ZFP64: variants seen among roughly 807,000 people sequenced by gnomAD.
ZFP64 encodes the protein zinc finger protein 64.
A neutral mutation model predicts 51.6 loss-of-function variants in ZFP64; 14 were observed. That is an observed-to-expected ratio of 0.27 (90% CI 0.18 to 0.42). The LOEUF is 0.42. ZFP64 is among the 10% of genes least tolerant of loss of function. The pLI is 1.00. For synonymous variants in ZFP64, 375 were observed against 361.4 expected, an observed-to-expected ratio of 1.04 and a Z score of -0.43; for missense variants, 754 against 906.8, an observed-to-expected ratio of 0.83 and a Z score of 2.16.
rs1163611508 is a variant in ZFP64 at position 52,085,338 on chromosome 20, C to T, written c.1229-72G>A. On this transcript the variant is annotated intron_variant, in intron 8 of 8. Transcript: ENST00000361387. The surrounding 1 kb of genome is among the most constrained non-coding windows in gnomAD (Gnocchi z 4.3). ...ACCCTCCCACCCCAACCTGCCTTAG[C>T]ACACTTGGCCGCCATGAGATGGTTG... 1.4e-5 allele frequency: 20 copies of T among 1,456,716 alleles called. No individual in the cohort carries two copies. The highest frequency in any genetic ancestry group is 1.7e-5 in the Non-Finnish European group (19 of 1,087,818). 90.2% of individuals were successfully genotyped at this position (1,456,716 alleles called of 1,614,324 possible).
intron 5 of ZFP64, among the ~76,000 whole-genome samples, chr20:52,099,841 C>T (rs934841370): frequency 1.2e-4 from 19 of 152,174 alleles, no homozygotes; most frequent in African/African-American, 4.6e-4. Context: ...GGTGAAATCG[C>T]TATTTTTGTT....
At chr20:52,121,123 C>T (rs1023154022) in intron 5 of ZFP64, among the ~76,000 whole-genome samples, 10 of 152,270 alleles carry the variant, frequency 6.6e-5, no homozygotes, top group African/African-American at 2.2e-4. Context: ...TCCTTTTCTT[C>T]GAGCCTTTCT....
chr20:52,137,648 A>G lies in ZFP64; in HGVS notation c.763+22475T>C, dbSNP rs1242602193. 2.6e-5 allele frequency among the ~76,000 whole-genome samples: 4 copies of G among 152,156 alleles called. No individual in the cohort carries two copies. In the East Asian group the frequency reaches 7.7e-4, roughly 29 times the overall value. ...GGTTAAATCTAAATGGAGATGGTCA[A>G]TTGGGAATTTGAATGTAAGAGACAT... On this transcript the variant is annotated intron_variant, in intron 5 of 8. Transcript: ENST00000361387.
chr20:52,148,102 A>G (rs1980612595), downstream of ZFP64, among the ~76,000 whole-genome samples: 1 of 152,228 alleles, frequency 6.6e-6, no homozygotes. Flanking sequence ...ACTGGATAAA[A>G]TAACAGTTCC....
At position 52,153,400 on chromosome 20, in the gene ZFP64, A is replaced by G. The variant is rs751172192; in HGVS notation, c.792T>C (p.Cys264=). The part of the protein sequence containing the change: ...TGDAPFQCWL[C]SAKFKISSDL... ...CCGAGCTGATTTTGAACTTGGCGCT[A>G]CAGAGCCAGCACTGGAAGGGGGCGT... The change falls in exon 6 of 6, where the codon TGT becomes TGC. Residue 264 remains cysteine (C), a synonymous_variant. Transcript: ENST00000216923. The surrounding 1 kb of genome is among the most constrained non-coding windows in gnomAD (Gnocchi z 5.1). 5 of 1,613,970 alleles carry G rather than the reference A, an allele frequency of 3.1e-6. No individual in the cohort carries two copies. Among genetic ancestry groups the G allele is most frequent in the Non-Finnish European group, 4.2e-6 (5 of 1,179,964 alleles).
chr20:52,104,053 G>A (rs2079082959), intron 5 of ZFP64, among the ~76,000 whole-genome samples: 1 of 152,204 alleles, frequency 6.6e-6, no homozygotes, highest in South Asian at 2.1e-4. Flanking sequence ...GAGCGGGGGA[G>A]AAGAGGAAGT....
chr20:52,119,237 C>T (rs563802861), intron 5 of ZFP64, among the ~76,000 whole-genome samples: 7 of 151,880 alleles, frequency 4.6e-5, no homozygotes, highest in African/African-American at 1.7e-4. Context: ...AGGAGGGAAG[C>T]TGGGTTCGGT....
chr20:52,101,022 A>G lies in ZFP64; in HGVS notation c.764-2435T>C, dbSNP rs538652065. ...GCCATTCTACCACCAAAGGACACTC[A>G]GCAATGCCTGGGAACATTTTCAATT... On this transcript the variant is annotated intron_variant, in intron 5 of 8. Transcript: ENST00000361387. 1.3e-4 allele frequency among the ~76,000 whole-genome samples: 20 copies of G among 152,308 alleles called. No homozygotes were observed. The South Asian group carries it at 3.9e-3, about 30-fold the overall frequency.
intron 2 of ZFP64, among the ~76,000 whole-genome samples, chr20:52,178,611 C>G (rs934130252): frequency 6.6e-6 from 1 of 152,150 alleles, no homozygotes; most frequent in Non-Finnish European, 1.5e-5. Context: ...AGAGCTGAAG[C>G]ATGACTCCCA....
Position 52,191,756 on chromosome 20 carries a change from C to T in ZFP64, c.-120G>A. On this transcript the variant is annotated 5_prime_UTR_variant, in exon 1 of 6. Coordinates refer to ENST00000216923, the MANE Select transcript of ZFP64 (RefSeq NM_018197.3). This position sits in a 1 kb window ranked among gnomAD's most constrained non-coding sequence, Gnocchi z 4.3. ...CCCCCCACCCTGCCTTCTCCCAACTCTGCGAGGCGGGGAGGACGGATGTAA... is the reference window on the plus strand; with the variant it reads ...CCCCCCACCCTGCCTTCTCCCAACTTTGCGAGGCGGGGAGGACGGATGTAA... The T allele has an allele frequency of 7.9e-7, 1 of 1,260,308 alleles. No individual in the cohort carries two copies. The highest frequency in any genetic ancestry group is 1.0e-6 in the Non-Finnish European group (1 of 955,802). The allele number at this position is 1,260,308 out of a possible 1,614,324, so 78.1% of individuals were successfully genotyped here.
intron 7 of ZFP64, among the ~76,000 whole-genome samples, chr20:52,092,588 A>G (rs988783553): frequency 1.3e-5 from 2 of 152,180 alleles, no homozygotes; most frequent in Non-Finnish European, 2.9e-5. Context: ...AGTGGCTCAC[A>G]CCTGCAATCC....
At position 52,160,330 on chromosome 20, in the gene ZFP64, G is replaced by A. The variant is rs1439389670; in HGVS notation, c.556C>T (p.Arg186Trp). The A allele has an allele frequency of 5.0e-6, 8 of 1,614,114 alleles. No homozygotes were observed. The highest frequency in any genetic ancestry group is 2.2e-5 in the East Asian group (1 of 44,878). The change falls in exon 5 of 6, where the codon CGG (arginine) becomes TGG (tryptophan). Residue 186 changes from arginine to tryptophan, a missense_variant. By Grantham distance (101) the Arg-to-Trp change is moderately radical. This residue lies in a region of ZFP64 where 231 missense variants were observed against 336.7 expected (regional missense o/e 0.69). Transcript: ENST00000216923. The surrounding 1 kb of genome is among the most constrained non-coding windows in gnomAD (Gnocchi z 4.2). ...ATGTGAGTTTTCAGCTTGTCTTTCCGGCTAAAGCACTTGCCACAGACTTCA... is the reference window on the plus strand; with the variant it reads ...ATGTGAGTTTTCAGCTTGTCTTTCCAGCTAAAGCACTTGCCACAGACTTCA... ...KCEVCGKCFS[R>W]KDKLKTHMRC...
chr20:52,189,701 C>T (rs1348085083), intron 1 of ZFP64, among the ~76,000 whole-genome samples: 1 of 151,788 alleles, frequency 6.6e-6, no homozygotes, highest in Non-Finnish European at 1.5e-5. Context: ...CTTGAACTCC[C>T]GACCTCATGT....
chr20:52,125,341 C>G (rs957922657), intron 5 of ZFP64, among the ~76,000 whole-genome samples: 12 of 152,086 alleles, frequency 7.9e-5, no homozygotes, highest in African/African-American at 2.9e-4. Context: ...AGGTGATGGG[C>G]AGAAAGTGAG....
chr20:52,180,897 A>G (rs776827209), intron 2 of ZFP64, among the ~76,000 whole-genome samples: 4 of 152,264 alleles, frequency 2.6e-5, no homozygotes, highest in African/African-American at 4.8e-5. Flanking sequence ...CAGACTCTTC[A>G]TTACCAAACC....
At chr20:52,142,550 GC>G (rs1980325064) in intron 5 of ZFP64, among the ~76,000 whole-genome samples, 1 of 151,512 alleles carries the variant, frequency 6.6e-6, no homozygotes, top group Non-Finnish European at 1.5e-5. Context: ...ACCAAAAAAG[GC>G]AAAAAAGAGG....
Position 52,191,675 on chromosome 20 carries a change from A to G in ZFP64, c.-39T>C. 1 of 1,565,104 alleles carries G rather than the reference A, an allele frequency of 6.4e-7. No homozygotes were observed. The highest frequency in any genetic ancestry group is 1.4e-5 in the African/African-American group (1 of 72,374). On this transcript the variant is annotated 5_prime_UTR_variant, in exon 1 of 6. Coordinates refer to ENST00000216923, the MANE Select transcript of ZFP64 (RefSeq NM_018197.3). This position sits in a 1 kb window ranked among gnomAD's most constrained non-coding sequence, Gnocchi z 4.3. ...GAGGTCCCCGGCCGGCCGGGATGCC[A>G]AAGTGGGGGACGCTGATCTACATGG...
In ZFP64 at chr20:52,152,151, C is replaced by G. The variant is rs776948155; in HGVS notation, c.2041G>C (p.Asp681His). Residue 681 changes from aspartate (D) to histidine (H), a missense_variant, in exon 6 of 6, where the codon GAT becomes CAT. Asp to His is a moderately conservative substitution (Grantham distance 81). Around this residue, in one of 3 missense-constraint regions of ZFP64, gnomAD observed 428 missense variants for 472.4 expected, o/e 0.91. Transcript: ENST00000216923. ...ALLCPADSIP[D>H] ...TCCTTTTGTTTTTTTAAGCACTAAT[C>G]TGGAATGGAGTCGGCGGGACAGAGC... The G allele has an allele frequency of 8.1e-6, 13 of 1,611,358 alleles. No homozygotes were observed. Among genetic ancestry groups the G allele is most frequent in the African/African-American group, 1.3e-5 (1 of 74,838 alleles).
At chr20:52,135,587 A>G (rs1028669757) in intron 5 of ZFP64, among the ~76,000 whole-genome samples, 3 of 152,098 alleles carry the variant, frequency 2.0e-5, no homozygotes, top group Admixed American at 6.5e-5. Flanking sequence ...CCTGGGCTCA[A>G]GTGATCTTCC....
Sources: gnomAD v4.1 joint callset for allele counts (sites outside exome capture counted in the v4.1 genomes callset) on GRCh38, gnomAD v4.1.1 for gene constraint, gnomAD v4.1.1 regional missense constraint, Gnocchi (gnomAD v3.1) non-coding constraint, MANE v1.5 for transcripts, NCBI Gene and HGNC (gene_info 2026-07-23, HGNC 2026-07-21) for gene names.